The following ANKRD36 variants were observed in gnomAD, a reference collection of about 807,000 sequenced individuals.
ANKRD36 encodes ankyrin repeat domain 36.
In ANKRD36, 179 loss-of-function variants were observed where a neutral mutation model predicts 278.1. The observed-to-expected ratio is 0.64, with a 90% CI of 0.57 to 0.73. The LOEUF is 0.73. ANKRD36 is among the 30% of genes least tolerant of loss of function. The pLI is 0.00. For synonymous variants in ANKRD36, 320 were observed against 641.1 expected (o/e 0.50, Z 7.57); for missense variants, 1,159 against 1,956.7 (o/e 0.59, Z 7.69).
chr2:97,211,472 T>C (rs1313978849), intron 56 of ANKRD36, 74 bp from the exon 57 acceptor site: 1 of 1,571,032 alleles, frequency 6.4e-7, no homozygotes, highest in Non-Finnish European at 8.7e-7. Context: ...AGTTTGATGC[T>C]AACACTGTAT....
chr2:97,211,292 G>C (rs1201486832), intron 56 of ANKRD36, among the ~76,000 whole-genome samples: 3 of 151,888 alleles, frequency 2.0e-5, no homozygotes, highest in Admixed American at 6.6e-5. Flanking sequence ...GATATTGACA[G>C]GGCTTTATTT....
intron 67 of ANKRD36, among the ~76,000 whole-genome samples, chr2:97,227,847 C>G (rs1366845711): frequency 6.6e-5 from 10 of 152,052 alleles, no homozygotes; most frequent in South Asian, 2.1e-4. Context: ...TAGCATGAAG[C>G]GTTGTTGAAT....
At chr2:97,150,146 G>C (rs2045526650) in intron 12 of ANKRD36, among the ~76,000 whole-genome samples, 1 of 151,866 alleles carries the variant, frequency 6.6e-6, no homozygotes, top group Non-Finnish European at 1.5e-5. Flanking sequence ...TTTATTTAGA[G>C]TATACTTTAA....
intron 15 of ANKRD36, 33 bp downstream of exon 15, chr2:97,154,774 A>G (rs375705567): frequency 1.4e-6 from 2 of 1,400,724 alleles, no homozygotes; most frequent in South Asian, 1.3e-5. Flanking sequence ...TAATTTTCTC[A>G]TTCTGAATCT....
At chr2:97,147,727 A>G (rs2044655916) in intron 11 of ANKRD36, among the ~76,000 whole-genome samples, 1 of 151,922 alleles carries the variant, frequency 6.6e-6, no homozygotes, top group South Asian at 2.1e-4. Context: ...ACCTAATGAA[A>G]GTGAATAAGA....
intron 22 of ANKRD36, among the ~76,000 whole-genome samples, chr2:97,175,850 A>G (rs928143123): frequency 5.3e-5 from 8 of 151,576 alleles, no homozygotes; most frequent in Non-Finnish European, 1.2e-4. Flanking sequence ...GTTTCAAAGA[A>G]CATCTTTATT....
chr2:97,173,775 G>A (rs1253711827), intron 22 of ANKRD36, among the ~76,000 whole-genome samples: 1 of 151,744 alleles, frequency 6.6e-6, no homozygotes, highest in Non-Finnish European at 1.5e-5. Flanking sequence ...AGAAGCAGAA[G>A]TTAGAAGGAT....
At chr2:97,173,523 G>A (rs1374822045) in intron 22 of ANKRD36, among the ~76,000 whole-genome samples, 1 of 151,816 alleles carries the variant, frequency 6.6e-6, no homozygotes, top group East Asian at 1.9e-4. Flanking sequence ...TTTTAATAAA[G>A]CAAAACCTTA....
At chr2:97,172,691 G>T (rs1238873556) in intron 22 of ANKRD36, among the ~76,000 whole-genome samples, 1 of 152,136 alleles carries the variant, frequency 6.6e-6, no homozygotes, top group Non-Finnish European at 1.5e-5. Context: ...CTTCATGAAT[G>T]TTAAACTCTA....
At chr2:97,228,049 C>T (rs1336084775) in intron 67 of ANKRD36, among the ~76,000 whole-genome samples, 82 of 152,148 alleles carry the variant, frequency 5.4e-4, no homozygotes, top group Middle Eastern at 3.4e-3. Flanking sequence ...CATATTTTAT[C>T]GAGGATTTTT....
At chr2:97,182,822 G>A (rs1020610318) in intron 26 of ANKRD36, among the ~76,000 whole-genome samples, 2 of 151,618 alleles carry the variant, frequency 1.3e-5, no homozygotes, top group African/African-American at 4.8e-5. Flanking sequence ...GAACCTTTCT[G>A]TAGCCTAAAC....
At chr2:97,136,313 T>C (rs984050981) in intron 6 of ANKRD36, among the ~76,000 whole-genome samples, 2 of 151,106 alleles carry the variant, frequency 1.3e-5, no homozygotes, top group Non-Finnish European at 2.9e-5. Flanking sequence ...TGGAAGCATG[T>C]TACTTTCCCC....
At chr2:97,224,748 T>C in intron 66 of ANKRD36, 58 bp from the exon 67 acceptor site, 1 of 781,546 alleles carries the variant, frequency 1.3e-6, no homozygotes, top group Non-Finnish European at 1.9e-6. Context: ...CCGCTGACCA[T>C]GGCTTTTATC....
At chr2:97,176,195 T>C in intron 22 of ANKRD36, among the ~76,000 whole-genome samples, 1 of 151,790 alleles carries the variant, frequency 6.6e-6, no homozygotes, top group African/African-American at 2.4e-5. Context: ...CTTTCTCTCT[T>C]GTTGATCTGT....
intron 38 of ANKRD36, among the ~76,000 whole-genome samples, chr2:97,194,129 G>C (rs1253314397): frequency 6.6e-6 from 1 of 151,576 alleles, no homozygotes. Context: ...TTAGGCAAAT[G>C]ATTACACTAC....
At chr2:97,211,792 C>T in intron 58 of ANKRD36, 51 bp downstream of exon 58, 2 of 1,514,914 alleles carry the variant, frequency 1.3e-6, no homozygotes, top group Admixed American at 2.0e-5. Flanking sequence ...TAGAAGAGAA[C>T]TTCTCTTCAC....
chr2:97,187,808 T>C (rs1487333255), intron 32 of ANKRD36, among the ~76,000 whole-genome samples: 1 of 151,742 alleles, frequency 6.6e-6, no homozygotes, highest in Non-Finnish European at 1.5e-5. Context: ...TAATAACCCA[T>C]AGACACTGTA....
At chr2:97,146,737 C>T (rs1036800397) in intron 11 of ANKRD36, among the ~76,000 whole-genome samples, 4 of 151,724 alleles carry the variant, frequency 2.6e-5, no homozygotes, top group African/African-American at 9.7e-5. Context: ...AATATTGGCT[C>T]ATGATTCCAC....
chr2:97,206,272 G>T (rs1462683530), intron 52 of ANKRD36, 137 bp downstream of exon 52: 10 of 1,055,528 alleles, frequency 9.5e-6, no homozygotes, highest in East Asian at 7.8e-5. Context: ...TTTGTAGTAC[G>T]TTCTTGGGTG....
Sources: allele counts gnomAD v4.1 joint callset (sites outside exome capture counted in the v4.1 genomes callset), GRCh38; gene constraint gnomAD v4.1.1; transcripts MANE v1.5; gene names NCBI Gene and HGNC (gene_info 2026-07-23, HGNC 2026-07-21).